Variants in RPS6KA5 observed in about 807,000 individuals in gnomAD.
RPS6KA5 encodes ribosomal protein S6 kinase alpha-5.
In RPS6KA5, 27 loss-of-function variants were observed where a neutral mutation model predicts 85.5. The observed-to-expected ratio is 0.32, with a 90% CI of 0.23 to 0.44. RPS6KA5 has a LOEUF of 0.44. Ranked by LOEUF, RPS6KA5 falls within the 20% of genes least tolerant of loss-of-function variation. RPS6KA5 has a pLI of 1.00. For missense variants in RPS6KA5, 811 were observed against 980.9 expected, an observed-to-expected ratio of 0.83 and a Z score of 2.31; for synonymous variants, 334 against 348.2, an observed-to-expected ratio of 0.96 and a Z score of 0.46.
Position 90,947,471 on chromosome 14 carries a change from A to C in RPS6KA5, c.474T>G (p.Val158=), listed in dbSNP as rs778384596. 9.3e-6 allele frequency: 15 copies of C among 1,612,352 alleles called. No homozygotes were observed. Among genetic ancestry groups the C allele is most frequent in the Non-Finnish European group, 1.3e-5 (15 of 1,178,556 alleles). Residue 158 remains valine (V), a synonymous_variant, in exon 4 of 17, where the codon GTT becomes GTG. Coordinates refer to ENST00000614987, the MANE Select transcript of RPS6KA5 (RefSeq NM_004755.4). The stretch of plus-strand genomic sequence containing the variant: ...GTTCGAGGGCAAGCACAATCTCTCC[A>C]ACATAAATCTGCACCTCATGCTCTG... ...RFTEHEVQIY[V]GEIVLALEHL... is the part of the protein sequence containing the mutation.
chr14:91,060,469 G>T lies in RPS6KA5; in HGVS notation c.-35C>A. 7.2e-7 allele frequency: 1 copy of T among 1,392,090 alleles called. No individual in the cohort carries two copies. The highest frequency in any genetic ancestry group is 1.7e-5 in the South Asian group (1 of 58,650). 86.2% of individuals were successfully genotyped at this position (1,392,090 alleles called of 1,614,324 possible). A position where few individuals can be genotyped will look rare whatever the true frequency, so the allele number is the denominator to read the frequency against. On this transcript the variant is annotated 5_prime_UTR_variant, in exon 1 of 17. Transcript: ENST00000614987. ...TTTTTCCGATCCCGCGGGTCGCTAC[G>T]AGGGGAACCCAGGAGACAGCGGACG...
At position 90,849,173 on chromosome 14, in the gene RPS6KA5, A is replaced by AT. The variant is rs2031862979; in HGVS notation, c.*22900dup. On this transcript the variant is annotated 3_prime_UTR_variant, in exon 17 of 17. Transcript: ENST00000614987. ...CACCTTGGTGGTCTGAATCTAATAGATGCCACTCTCAAATTCTGAGGAGGA... is the reference window on the plus strand; with the variant it reads ...CACCTTGGTGGTCTGAATCTAATAGATTGCCACTCTCAAATTCTGAGGAGGA... 1 of 152,244 alleles carries AT rather than the reference A, an allele frequency of 6.6e-6. No homozygotes were observed. The highest frequency in any genetic ancestry group is 2.4e-5 in the African/African-American group (1 of 41,466). The allele number at this position is 152,244 out of a possible 1,614,324, so 9.4% of individuals were successfully genotyped here.
chr14:91,005,898 T>G (rs1319837048), intron 1 of RPS6KA5, among the ~76,000 whole-genome samples: 1 of 151,948 alleles, frequency 6.6e-6, no homozygotes, highest in Non-Finnish European at 1.5e-5. Flanking sequence ...TTCACATGCT[T>G]TAGTAAAGCC....
At chr14:90,976,239 G>A (rs529436844) in intron 3 of RPS6KA5, among the ~76,000 whole-genome samples, 1 of 151,270 alleles carries the variant, frequency 6.6e-6, no homozygotes, top group Non-Finnish European at 1.5e-5. Context: ...AGACAGAAAG[G>A]GCGGGGGCAG....
intron 3 of RPS6KA5, among the ~76,000 whole-genome samples, chr14:90,975,528 A>G (rs2039525509): frequency 6.6e-6 from 1 of 152,244 alleles, no homozygotes; most frequent in African/African-American, 2.4e-5. Flanking sequence ...GGGGGACAAC[A>G]TGTGAAGAGG....
chr14:91,020,677 T>C (rs369542087), intron 1 of RPS6KA5, among the ~76,000 whole-genome samples: 2 of 151,368 alleles, frequency 1.3e-5, no homozygotes, highest in East Asian at 3.9e-4. Flanking sequence ...TATGTATATA[T>C]CCTATTGGTC....
At chr14:90,875,890 C>T (rs1165163745) in intron 14 of RPS6KA5, among the ~76,000 whole-genome samples, 6 of 104,540 alleles carry the variant, frequency 5.7e-5, no homozygotes, top group East Asian at 2.8e-4. Flanking sequence ...CATCACACAC[C>T]GGGGACTGTT....
At chr14:90,920,495 A>G (rs2036349792) in intron 6 of RPS6KA5, among the ~76,000 whole-genome samples, 186 bp from the exon 7 acceptor site, 1 of 152,178 alleles carries the variant, frequency 6.6e-6, no homozygotes, top group Admixed American at 6.5e-5. Context: ...ATATCCAAGT[A>G]TCCTCAGCAC....
intron 3 of RPS6KA5, among the ~76,000 whole-genome samples, chr14:90,956,967 T>G (rs2038549780): frequency 2.8e-4 from 3 of 10,710 alleles, no homozygotes; most frequent in Admixed American, 9.2e-4. Flanking sequence ...TTTTTCTGTT[T>G]TTTTTTTTTT....
intron 4 of RPS6KA5, among the ~76,000 whole-genome samples, chr14:90,945,873 C>T (rs1053880991): frequency 2.0e-5 from 3 of 152,026 alleles, no homozygotes; most frequent in African/African-American, 7.2e-5. Context: ...TGTGGTGGCA[C>T]GTTCCTGTGG....
chr14:90,969,770 CTCATA>C, intron 3 of RPS6KA5, among the ~76,000 whole-genome samples: 1 of 152,196 alleles, frequency 6.6e-6, no homozygotes, highest in Non-Finnish European at 1.5e-5. Context: ...ATTTCTCTCT[CTCATA>C]TTTCTTCTTA....
Position 90,921,154 on chromosome 14 carries a change from C to T in RPS6KA5, c.703-845G>A, listed in dbSNP as rs1061005. Among the ~76,000 whole-genome samples the T allele has an allele frequency of 2.0e-5, 3 of 152,224 alleles. No individual in the cohort carries two copies. The East Asian group carries it at 5.8e-4, about 29-fold the overall frequency. ...ATTAACTAGATGTTAAAATTTCAAA[C>T]TATTTGCTTCCAATTTCCAGGGCCT... is the stretch of plus-strand genomic sequence containing the variant. On this transcript the variant is annotated intron_variant, in intron 6 of 16. Coordinates refer to ENST00000614987, the MANE Select transcript of RPS6KA5 (RefSeq NM_004755.4).
intron 12 of RPS6KA5, among the ~76,000 whole-genome samples, chr14:90,897,632 CAT>C (rs2034913408): frequency 6.6e-6 from 1 of 152,176 alleles, no homozygotes; most frequent in Admixed American, 6.5e-5. Flanking sequence ...AGGATTATAT[CAT>C]GTGACAATTT....
At chr14:90,924,385 T>C (rs2036554487) in intron 5 of RPS6KA5, among the ~76,000 whole-genome samples, 2 of 152,270 alleles carry the variant, frequency 1.3e-5, no homozygotes, top group East Asian at 3.9e-4. Context: ...TGAAGATGCA[T>C]AATGCCTTAA....
intron 1 of RPS6KA5, among the ~76,000 whole-genome samples, chr14:91,053,831 T>C (rs1357698043): frequency 6.6e-6 from 1 of 152,340 alleles, no homozygotes; most frequent in African/African-American, 2.4e-5. Context: ...TTGGCTTCTT[T>C]GCAGACACTA....
intron 1 of RPS6KA5, among the ~76,000 whole-genome samples, chr14:91,059,327 C>T (rs1415057365): frequency 3.6e-5 from 5 of 140,242 alleles, no homozygotes; most frequent in Non-Finnish European, 7.6e-5. Context: ...GCAACAAGAG[C>T]GAAACTCTGT....
chr14:90,906,803 G>C (rs2035530757), intron 7 of RPS6KA5, among the ~76,000 whole-genome samples: 1 of 152,090 alleles, frequency 6.6e-6, no homozygotes, highest in Non-Finnish European at 1.5e-5. Flanking sequence ...AGTCCACCGA[G>C]ACAAGTGGGG....
At position 90,859,464 on chromosome 14, in the gene RPS6KA5, AAT is replaced by A. The variant is rs1335692251; in HGVS notation, c.*12608_*12609del. ...AATTACTTTGATTAATGTGTTCAAG[AAT>A]ATAGAGGAAAAGACAAGATATGATC... On this transcript the variant is annotated 3_prime_UTR_variant, in exon 17 of 17. Transcript: ENST00000614987. The A allele has an allele frequency of 4.6e-5, 7 of 152,202 alleles. No individual in the cohort carries two copies. The highest frequency in any genetic ancestry group is 1.7e-4 in the African/African-American group (7 of 41,452). The allele number at this position is 152,202 out of a possible 1,614,324, so 9.4% of individuals were successfully genotyped here. A position where few individuals can be genotyped will look rare whatever the true frequency, so the allele number is the denominator to read the frequency against.
rs576234698 is a variant in RPS6KA5 at position 91,041,343 on chromosome 14, T to G, written c.103+18989A>C. Among the ~76,000 whole-genome samples, 7 of 152,370 alleles carry G rather than the reference T, an allele frequency of 4.6e-5. No homozygotes were observed. The South Asian group carries it at 1.4e-3, about 32-fold the overall frequency. On this transcript the variant is annotated intron_variant, in intron 1 of 16. Transcript: ENST00000614987. ...TTACTCAACATCACAAAACATAAGCTTCTTAGACTAATTTAGCTTCAGTCA... is the reference window on the plus strand; with the variant it reads ...TTACTCAACATCACAAAACATAAGCGTCTTAGACTAATTTAGCTTCAGTCA...
Sources: gnomAD v4.1 joint callset for allele counts (sites outside exome capture counted in the v4.1 genomes callset) on GRCh38, gnomAD v4.1.1 for gene constraint, MANE v1.5 for transcripts, NCBI Gene and HGNC (gene_info 2026-07-23, HGNC 2026-07-21) for gene names.